The following IQGAP1 variants were observed in gnomAD, a reference collection of about 807,000 sequenced individuals.
IQGAP1 encodes IQ motif containing GTPase activating protein 1, also known as ras GTPase-activating-like protein IQGAP1.
IQGAP1 carries 66 observed loss-of-function variants against 215.6 expected under a neutral mutation model. The observed-to-expected ratio is 0.31, with a 90% CI of 0.25 to 0.38. IQGAP1 has a LOEUF of 0.38. Ranked by LOEUF, IQGAP1 falls within the 10% of genes least tolerant of loss-of-function variation. The pLI, the probability that IQGAP1 is intolerant of heterozygous loss-of-function variation, is 1.00. For missense variants in IQGAP1, 1,712 were observed against 1,997.1 expected, an observed-to-expected ratio of 0.86 and a Z score of 2.72; for synonymous variants, 772 against 728.7, an observed-to-expected ratio of 1.06 and a Z score of -0.96.
chr15:90,444,371 T>A (rs1294182985), intron 9 of IQGAP1, among the ~76,000 whole-genome samples: 1 of 151,800 alleles, frequency 6.6e-6, no homozygotes, highest in Non-Finnish European at 1.5e-5. Context: ...AGCCTCAAAC[T>A]CTTGGGCTCA....
intron 33 of IQGAP1, among the ~76,000 whole-genome samples, chr15:90,490,534 G>A (rs1484975487): frequency 3.9e-5 from 6 of 152,196 alleles, no homozygotes; most frequent in African/African-American, 1.4e-4. Context: ...TCTGCAGAAT[G>A]TTTGAAAGCA....
At chr15:90,470,924 G>C (rs962096290) in intron 18 of IQGAP1, among the ~76,000 whole-genome samples, 1 of 151,258 alleles carries the variant, frequency 6.6e-6, no homozygotes, top group Non-Finnish European at 1.5e-5. Flanking sequence ...TTCCTTTCTC[G>C]ACCTCTGCTT....
Position 90,456,167 on chromosome 15 carries a change from G to A in IQGAP1, c.1628G>A (p.Gly543Asp). Residue 543 changes from glycine to aspartate, a missense_variant, in exon 15 of 38, where the codon GGT becomes GAT. Gly to Asp is a moderately conservative substitution (Grantham distance 94). Around this residue, in one of 2 missense-constraint regions of IQGAP1, gnomAD observed 1,021 missense variants for 1,074.2 expected, o/e 0.95. Transcript: ENST00000268182. Reference protein sequence around the residue: ...QEEHERILAIGLINEALDEGD... With the variant: ...QEEHERILAIDLINEALDEGD... The stretch of plus-strand genomic sequence containing the variant: ...TTATATTTAGGGATTTTAGCCATTG[G>A]TTTAATTAATGAAGCCCTGGATGAA... 1 of 1,613,700 alleles carries A rather than the reference G, an allele frequency of 6.2e-7. No homozygotes were observed. The highest frequency in any genetic ancestry group is 8.5e-7 in the Non-Finnish European group (1 of 1,179,820).
intron 11 of IQGAP1, among the ~76,000 whole-genome samples, chr15:90,452,285 G>T (rs1219553497): frequency 6.6e-6 from 1 of 152,218 alleles, no homozygotes; most frequent in Non-Finnish European, 1.5e-5. Context: ...ACGTCCTAGT[G>T]CAGGACAATG....
At chr15:90,448,514 C>A in intron 9 of IQGAP1, 59 bp from the exon 10 acceptor site, 1 of 1,433,188 alleles carries the variant, frequency 7.0e-7, no homozygotes. Context: ...GGAAGGAAAA[C>A]TATTCTAGGC....
Position 90,472,949 on chromosome 15 carries a change from A to C in IQGAP1, c.2288A>C (p.Gln763Pro), listed in dbSNP as rs746758650. 1 of 1,614,120 alleles carries C rather than the reference A, an allele frequency of 6.2e-7. No homozygotes were observed. The highest frequency in any genetic ancestry group is 1.1e-5 in the South Asian group (1 of 91,072). ...CGCTGCCGTGGATACTTAGTTCGAC[A>C]GGAATTCCGATCCAGGATGAATTTC... ...QARCRGYLVR[Q>P]EFRSRMNFLK... Residue 763 changes from glutamine (Q) to proline (P), a missense_variant, in exon 19 of 38, where the codon CAG becomes CCG. By Grantham distance (76) the Gln-to-Pro change is moderately conservative. This residue lies in a region of IQGAP1 where 1,021 missense variants were observed against 1,074.2 expected (regional missense o/e 0.95). Transcript: ENST00000268182.
chr15:90,467,677 G>A, intron 18 of IQGAP1, 85 bp downstream of exon 18: 1 of 1,369,202 alleles, frequency 7.3e-7, no homozygotes, highest in Non-Finnish European at 9.9e-7. Context: ...AGGGCATGTG[G>A]TCAGAAGCCC....
intron 14 of IQGAP1, among the ~76,000 whole-genome samples, chr15:90,455,624 T>C (rs544385936): frequency 6.6e-6 from 1 of 152,366 alleles, no homozygotes; most frequent in African/African-American, 2.4e-5. Flanking sequence ...GGGAGAAATA[T>C]TCAACTGACT....
At chr15:90,405,359 G>T (rs1253091960) in intron 2 of IQGAP1, among the ~76,000 whole-genome samples, 1 of 152,204 alleles carries the variant, frequency 6.6e-6, no homozygotes, top group Non-Finnish European at 1.5e-5. Context: ...ATGCTAAACA[G>T]ATTAATATCG....
Position 90,501,112 on chromosome 15 carries a change from T to C in IQGAP1, c.*1004T>C, listed in dbSNP as rs190448916. On this transcript the variant is annotated 3_prime_UTR_variant, in exon 38 of 38. Transcript: ENST00000268182. Reference sequence around the variant, plus strand: ...AATTGCTTTATCTGTATATCTGAACTCTTGAAACTTATAGCTAAAACACTA... The same window carrying C: ...AATTGCTTTATCTGTATATCTGAACCCTTGAAACTTATAGCTAAAACACTA... 1.4e-4 allele frequency: 21 copies of C among 152,738 alleles called. No homozygotes were observed. Among genetic ancestry groups the C allele is most frequent in the Non-Finnish European group, 3.1e-4 (21 of 68,028 alleles). The allele number at this position is 152,738 out of a possible 1,614,324, so 9.5% of individuals were successfully genotyped here. A position where few individuals can be genotyped will look rare whatever the true frequency, so the allele number is the denominator to read the frequency against.
intron 3 of IQGAP1, 132 bp downstream of exon 3, chr15:90,426,398 C>A: frequency 1.1e-6 from 1 of 938,374 alleles, no homozygotes; most frequent in Non-Finnish European, 1.5e-6. Context: ...CTTTAAAATG[C>A]CTGGCAGAAT....
intron 35 of IQGAP1, 141 bp from the exon 36 acceptor site, chr15:90,494,572 T>G: frequency 1.8e-6 from 1 of 566,178 alleles, no homozygotes; most frequent in South Asian, 2.8e-5. Flanking sequence ...ATTCTAACAT[T>G]TGTTTGCCAT....
chr15:90,449,762 C>T, intron 11 of IQGAP1, 119 bp downstream of exon 11: 1 of 720,118 alleles, frequency 1.4e-6, no homozygotes, highest in South Asian at 2.1e-5. Context: ...TAACCAACTG[C>T]CAGGTACTTT....
chr15:90,450,034 T>A (rs774723636), intron 11 of IQGAP1, among the ~76,000 whole-genome samples: 1 of 152,216 alleles, frequency 6.6e-6, no homozygotes, highest in Admixed American at 6.5e-5. Flanking sequence ...TGTTTTGAAC[T>A]ATACATTATT....
At chr15:90,483,652 G>A (rs1966088195) in intron 29 of IQGAP1, 59 bp downstream of exon 29, 5 of 1,243,384 alleles carry the variant, frequency 4.0e-6, no homozygotes, top group South Asian at 1.2e-5. Context: ...ATTGTTGAGG[G>A]GAAAAATAAG....
rs763818843 is a variant in IQGAP1, at chr15:90,474,125, A to G, written c.2567A>G (p.Lys856Arg). ...IRANKARDDY[K>R]TLINAEDPPM... ...GCAAACAAAGCTCGGGATGACTACAAGACTCTCAGTGAGTAACTGGCTCCG... is the reference window on the plus strand; with the variant it reads ...GCAAACAAAGCTCGGGATGACTACAGGACTCTCAGTGAGTAACTGGCTCCG... The change falls in exon 22 of 38, where the codon AAG (lysine) becomes AGG (arginine). Residue 856 changes from lysine (K) to arginine (R), a missense_variant. Lys to Arg is a conservative substitution (Grantham distance 26). Transcript: ENST00000268182. 5 of 1,611,428 alleles carry G rather than the reference A, an allele frequency of 3.1e-6. No homozygotes were observed. In the Admixed American group the frequency reaches 8.4e-5, roughly 27 times the overall value.
chr15:90,469,794 C>A, intron 18 of IQGAP1, among the ~76,000 whole-genome samples: 1 of 151,918 alleles, frequency 6.6e-6, no homozygotes, highest in South Asian at 2.1e-4. Flanking sequence ...GATGAGCTTG[C>A]TGAAATTATA....
At chr15:90,444,951 T>TAGGG (rs1448534804) in intron 9 of IQGAP1, among the ~76,000 whole-genome samples, 1 of 152,132 alleles carries the variant, frequency 6.6e-6, no homozygotes, top group Non-Finnish European at 1.5e-5. Context: ...GGCGAAACCC[T>TAGGG]GTCTCTACAA....
At chr15:90,420,353 G>A (rs1194422209) in intron 2 of IQGAP1, among the ~76,000 whole-genome samples, 1 of 152,164 alleles carries the variant, frequency 6.6e-6, no homozygotes, top group Non-Finnish European at 1.5e-5. Flanking sequence ...TCCATGGCCA[G>A]TGCTACTCAC....
Sources: gnomAD v4.1 joint callset for allele counts (sites outside exome capture counted in the v4.1 genomes callset) on GRCh38, gnomAD v4.1.1 for gene constraint, gnomAD v4.1.1 regional missense constraint, MANE v1.5 for transcripts, NCBI Gene and HGNC (gene_info 2026-07-23, HGNC 2026-07-21) for gene names.